RALA: variants seen among roughly 807,000 people sequenced by gnomAD.
RALA encodes the protein ras-related protein Ral-A.
RALA carries 5 observed loss-of-function variants against 24.0 expected under a neutral mutation model. The ratio of observed to expected loss-of-function variants is 0.21; its 90% CI spans 0.11 to 0.44. The LOEUF (loss-of-function observed/expected upper bound fraction) is 0.44. RALA is among the 20% of genes least tolerant of loss of function. The pLI is 0.99. For missense variants in RALA, 95 were observed against 241.2 expected (o/e 0.39, Z 4.01); for synonymous variants, 77 against 83.8 (o/e 0.92, Z 0.44).
chr7:39,688,991 G>A (rs147174079), intron 2 of RALA, among the ~76,000 whole-genome samples: 2 of 152,240 alleles, frequency 1.3e-5, no homozygotes, highest in African/African-American at 2.4e-5. Context: ...GAGCACACGC[G>A]AGCAAGGGAG....
In RALA at chr7:39,685,482, A is replaced by G. The variant is rs188097030; in HGVS notation, c.-37-1149A>G. Among the ~76,000 whole-genome samples the G allele has an allele frequency of 1.6e-4, 24 of 152,274 alleles. No homozygotes were observed. In the South Asian group the frequency reaches 1.9e-3, roughly 12 times the overall value. On this transcript the variant is annotated intron_variant, in intron 1 of 4. Coordinates refer to ENST00000005257, the MANE Select transcript of RALA (RefSeq NM_005402.4). Reference sequence around the variant, plus strand: ...AGGGGTGCAACCCCCTCAACCCCCAATAACAAAAAGTCTCTTTGCTTGGAT... The same window carrying G: ...AGGGGTGCAACCCCCTCAACCCCCAGTAACAAAAAGTCTCTTTGCTTGGAT...
intron 1 of RALA, among the ~76,000 whole-genome samples, chr7:39,629,599 GTATT>G (rs1189528760): frequency 6.6e-6 from 1 of 150,400 alleles, no homozygotes; most frequent in Non-Finnish European, 1.5e-5. Flanking sequence ...ATGTGTGTAT[GTATT>G]TATTTATTTA....
Position 39,656,483 on chromosome 7 carries a change from G to GA in RALA, c.-37-30141dup, listed in dbSNP as rs569210422. Among the ~76,000 whole-genome samples, 369 of 152,058 alleles carry GA rather than the reference G, an allele frequency of 2.4e-3. 2 individuals are homozygous for GA. The highest frequency in any genetic ancestry group is 8.6e-3 in the African/African-American group (359 of 41,508). ...TGATAGGAACAAGAACCCAGGAAAG[G>GA]AAAAAAAGGTAATTTATGAGCTGCA... is the stretch of plus-strand genomic sequence containing the variant. On this transcript the variant is annotated intron_variant, in intron 1 of 4. Coordinates refer to ENST00000005257, the MANE Select transcript of RALA (RefSeq NM_005402.4).
intron 1 of RALA, among the ~76,000 whole-genome samples, chr7:39,630,027 C>T (rs979639889): frequency 3.3e-5 from 5 of 151,996 alleles, no homozygotes; most frequent in Non-Finnish European, 5.9e-5. Flanking sequence ...CCATGCCGAG[C>T]TTTCTTTTAC....
rs1402262310 is a variant in RALA, at chr7:39,699,119, TTA to T, written c.498+2262_498+2263del. On this transcript the variant is annotated intron_variant, in intron 4 of 4. Coordinates refer to ENST00000005257, the MANE Select transcript of RALA (RefSeq NM_005402.4). ...CCCAGCAATTTAAGTGCTAAAAATGTTATTTTTTTTTTTTTTTTTTTTTTTTT... is the reference window on the plus strand; with the variant it reads ...CCCAGCAATTTAAGTGCTAAAAATGTTTTTTTTTTTTTTTTTTTTTTTTTT... Among the ~76,000 whole-genome samples, 104 of 114,836 alleles carry T rather than the reference TTA, an allele frequency of 9.1e-4. 5 individuals are homozygous for T. Among genetic ancestry groups the T allele is most frequent in the African/African-American group, 4.2e-3 (97 of 23,084 alleles). The allele number at this position is 114,836 out of a possible 152,430, so 75.3% of individuals were successfully genotyped here.
intron 1 of RALA, among the ~76,000 whole-genome samples, chr7:39,627,440 A>G (rs936113716): frequency 1.3e-5 from 2 of 152,220 alleles, no homozygotes; most frequent in African/African-American, 4.8e-5. Context: ...TAGATGTAAC[A>G]CTGACATACA....
rs2116069724 is a variant in RALA at position 39,686,705 on chromosome 7, C to T, written c.38C>T (p.Ala13Val). The T allele has an allele frequency of 6.8e-6, 11 of 1,614,132 alleles. No homozygotes were observed. The highest frequency in any genetic ancestry group is 9.3e-6 in the Non-Finnish European group (11 of 1,180,018). The change falls in exon 2 of 5, where the codon GCT becomes GTT. Residue 13 changes from alanine to valine, a missense_variant. Transcript: ENST00000005257. ...ANKPKGQNSL[A>V]LHKVIMVGSG... ...AAGCCCAAGGGTCAGAATTCTTTGG[C>T]TTTACACAAAGTCATCATGGTGGGC...
chr7:39,701,091 G>A (rs1793017819), intron 4 of RALA: 1 of 152,224 alleles, frequency 6.6e-6, no homozygotes. Context: ...TTTTAGACAA[G>A]GAAGCTGCGG....
chr7:39,667,797 TAAC>T (rs1385307618), intron 1 of RALA, among the ~76,000 whole-genome samples: 1 of 152,226 alleles, frequency 6.6e-6, no homozygotes, highest in East Asian at 1.9e-4. Flanking sequence ...ATGAACATGT[TAAC>T]AACCCAGGGT....
chr7:39,676,236 A>G (rs918145539), intron 1 of RALA, among the ~76,000 whole-genome samples: 2 of 152,108 alleles, frequency 1.3e-5, no homozygotes, highest in African/African-American at 2.4e-5. Flanking sequence ...CGGCCTCCCA[A>G]AGTGCTGGGA....
chr7:39,651,579 C>CA (rs1321016754), intron 1 of RALA, among the ~76,000 whole-genome samples: 7 of 146,588 alleles, frequency 4.8e-5, no homozygotes, highest in Non-Finnish European at 9.1e-5. Context: ...TTTCACTAAG[C>CA]TTTTTTTTTT....
chr7:39,646,958 A>G (rs1221736021), intron 1 of RALA, among the ~76,000 whole-genome samples: 1 of 152,204 alleles, frequency 6.6e-6, no homozygotes, highest in Non-Finnish European at 1.5e-5. Context: ...TTTATTTTTA[A>G]TAGTATATAA....
chr7:39,701,608 G>A (rs1173306121), intron 4 of RALA, among the ~76,000 whole-genome samples: 1 of 152,218 alleles, frequency 6.6e-6, no homozygotes, highest in East Asian at 1.9e-4. Flanking sequence ...TTCAGGAATA[G>A]CAAGTGTTAT....
intron 3 of RALA, among the ~76,000 whole-genome samples, chr7:39,692,157 A>C (rs1792828953): frequency 6.6e-6 from 1 of 152,196 alleles, no homozygotes; most frequent in Non-Finnish European, 1.5e-5. Flanking sequence ...TCTAAACTGC[A>C]AGAGTAGCAA....
In RALA at chr7:39,653,513, A is replaced by G. The variant is rs184902185; in HGVS notation, c.-38+29688A>G. Reference sequence around the variant, plus strand: ...CCAATTTTTAAAACATTTTTAGTAGAGATGAGACCTTGCTATGTTGCCCAG... The same window carrying G: ...CCAATTTTTAAAACATTTTTAGTAGGGATGAGACCTTGCTATGTTGCCCAG... On this transcript the variant is annotated intron_variant, in intron 1 of 4. Coordinates refer to ENST00000005257, the MANE Select transcript of RALA (RefSeq NM_005402.4). 9.7e-4 allele frequency among the ~76,000 whole-genome samples: 147 copies of G among 152,194 alleles called. 1 individual carries two copies. Among genetic ancestry groups the G allele is most frequent in the East Asian group, 1.4e-3 (7 of 5,158 alleles).
At chr7:39,668,810 A>G (rs1019463948) in intron 1 of RALA, among the ~76,000 whole-genome samples, 16 of 151,006 alleles carry the variant, frequency 1.1e-4, no homozygotes, top group African/African-American at 1.5e-4. Context: ...AAAAAAAAAA[A>G]AAAGAAAAGA....
chr7:39,676,426 C>G (rs1792488696), intron 1 of RALA, among the ~76,000 whole-genome samples: 1 of 152,242 alleles, frequency 6.6e-6, no homozygotes, highest in Admixed American at 6.5e-5. Flanking sequence ...ATCTGAAATG[C>G]CTGGGATCAG....
At chr7:39,682,288 G>A (rs966310669) in intron 1 of RALA, among the ~76,000 whole-genome samples, 2 of 151,986 alleles carry the variant, frequency 1.3e-5, no homozygotes, top group Admixed American at 1.3e-4. Flanking sequence ...GTAGTTATAC[G>A]GGAACTGGTA....
Position 39,686,716 on chromosome 7 carries a change from G to A in RALA, c.49G>A (p.Val17Ile). 2 of 1,614,112 alleles carry A rather than the reference G, an allele frequency of 1.2e-6. No individual in the cohort carries two copies. Among genetic ancestry groups the A allele is most frequent in the Non-Finnish European group, 1.7e-6 (2 of 1,179,996 alleles). The change falls in exon 2 of 5, where the codon GTC (valine) becomes ATC (isoleucine). Residue 17 changes from valine to isoleucine, a missense_variant. Physicochemically the swap from Val to Ile is conservative, Grantham distance 29. Transcript: ENST00000005257. Reference sequence around the variant, plus strand: ...TCAGAATTCTTTGGCTTTACACAAAGTCATCATGGTGGGCAGTGGTGGCGT... The same window carrying A: ...TCAGAATTCTTTGGCTTTACACAAAATCATCATGGTGGGCAGTGGTGGCGT... Reference protein sequence around the residue: ...KGQNSLALHKVIMVGSGGVGK... With the variant: ...KGQNSLALHKIIMVGSGGVGK...
Sources: gnomAD v4.1 joint callset for allele counts (sites outside exome capture counted in the v4.1 genomes callset) on GRCh38, gnomAD v4.1.1 for gene constraint, MANE v1.5 for transcripts, NCBI Gene and HGNC (gene_info 2026-07-23, HGNC 2026-07-21) for gene names.